SETBP1: variants seen among roughly 807,000 people sequenced by gnomAD.
SETBP1 encodes the protein SET binding protein 1.
A neutral mutation model predicts 101.0 loss-of-function variants in SETBP1; 9 were observed. The observed-to-expected ratio is 0.09, with a 90% CI of 0.05 to 0.16. The LOEUF is 0.16. Ranked by LOEUF, SETBP1 falls within the 10% of genes least tolerant of loss-of-function variation. The pLI is 1.00. For missense variants in SETBP1, 1,858 were observed against 2,033.8 expected (o/e 0.91, Z 1.66); for synonymous variants, 818 against 788.5 (o/e 1.04, Z -0.63).
intron 4 of SETBP1, among the ~76,000 whole-genome samples, chr18:44,978,036 A>G (rs72911484): frequency 0.02 from 2,981 of 152,222 alleles, 43 homozygotes; most frequent in Non-Finnish European, 0.028. Context: ...AAAACTTCCC[A>G]TATTCCGAAA....
chr18:44,820,845 A>G (rs765909871), intron 2 of SETBP1, among the ~76,000 whole-genome samples: 17 of 152,332 alleles, frequency 1.1e-4, no homozygotes, highest in South Asian at 4.1e-4. Context: ...GAGTTCAAGG[A>G]GCTCACAATT....
At position 44,968,206 on chromosome 18, in the gene SETBP1, T is replaced by C. The variant is rs548918692; in HGVS notation, c.4000+14866T>C. ...CATTGAGGGAAAATATGAATATATA[T>C]GTATAGTGTTCTTTGAGAAAATATT... is the stretch of plus-strand genomic sequence containing the variant. On this transcript the variant is annotated intron_variant, in intron 4 of 5. Coordinates refer to ENST00000649279, the MANE Select transcript of SETBP1 (RefSeq NM_015559.3). Among the ~76,000 whole-genome samples, 8 of 152,250 alleles carry C rather than the reference T, an allele frequency of 5.3e-5. No homozygotes were observed. In the South Asian group the frequency reaches 1.7e-3, roughly 32 times the overall value.
At chr18:44,761,821 T>C (rs1208147125) in intron 2 of SETBP1, among the ~76,000 whole-genome samples, 2 of 152,238 alleles carry the variant, frequency 1.3e-5, no homozygotes, top group African/African-American at 2.4e-5. Context: ...TCTTTCCTTT[T>C]TCCTGCTAAG....
intron 2 of SETBP1, among the ~76,000 whole-genome samples, chr18:44,843,344 A>C (rs1004964498): frequency 6.6e-6 from 1 of 152,166 alleles, no homozygotes; most frequent in Non-Finnish European, 1.5e-5. Flanking sequence ...TCTCACCCAC[A>C]TACTCATGCA....
intron 2 of SETBP1, among the ~76,000 whole-genome samples, chr18:44,767,757 C>T (rs1240095391): frequency 6.6e-6 from 1 of 152,156 alleles, no homozygotes; most frequent in Non-Finnish European, 1.5e-5. Context: ...AAATGTTTGA[C>T]ATCATCACTT....
chr18:44,995,529 T>TTGTG (rs60256060), intron 4 of SETBP1, among the ~76,000 whole-genome samples: 15,264 of 142,778 alleles, frequency 0.11, 827 homozygotes, highest in African/African-American at 0.14. Flanking sequence ...GTCCAGGCTT[T>TTGTG]TGTGTGTGTG....
intron 3 of SETBP1, among the ~76,000 whole-genome samples, chr18:44,941,077 C>CTTTTTT (rs71177660): frequency 6.1e-4 from 46 of 74,840 alleles, no homozygotes; most frequent in South Asian, 1.4e-3. Flanking sequence ...AGAAGTCAGA[C>CTTTTTT]TTTTTTTTTT....
chr18:44,763,875 C>T (rs2070710241), intron 2 of SETBP1, among the ~76,000 whole-genome samples: 1 of 152,176 alleles, frequency 6.6e-6, no homozygotes, highest in Admixed American at 6.5e-5. Context: ...TCCCTGACCT[C>T]TAAACATTGG....
At chr18:44,986,050 C>G (rs958241622) in intron 4 of SETBP1, 1 of 152,174 alleles carries the variant, frequency 6.6e-6, no homozygotes, top group Non-Finnish European at 1.5e-5. Context: ...GTTGCTTCTT[C>G]TGGTGTGCGT....
chr18:44,871,096 G>A (rs1455507895), intron 3 of SETBP1: 4 of 152,062 alleles, frequency 2.6e-5, no homozygotes, highest in East Asian at 1.9e-4. Context: ...TCATCACCCT[G>A]AGGCAAGAAA....
chr18:44,701,722 C>T lies in SETBP1; in HGVS notation c.376C>T (p.Pro126Ser), dbSNP rs751875817. The change falls in exon 2 of 6, where the codon CCA becomes TCA. Residue 126 changes from proline to serine, a missense_variant. Pro to Ser is a moderately conservative substitution (Grantham distance 74). Around this residue, in one of 12 missense-constraint regions of SETBP1, gnomAD observed 28 missense variants for 59.2 expected, o/e 0.47. Transcript: ENST00000649279. Reference protein sequence around the residue: ...PPKNLENYICPPEIKITIKQS... With the variant: ...PPKNLENYICSPEIKITIKQS... ...AAAGAATTTGGAGAACTATATATGT[C>T]CACCTGAGATCAAGATCACCATCAA... 7 of 1,614,012 alleles carry T rather than the reference C, an allele frequency of 4.3e-6. No homozygotes were observed. Among genetic ancestry groups the T allele is most frequent in the Non-Finnish European group, 5.9e-6 (7 of 1,180,038 alleles).
At chr18:44,869,197 T>C (rs771609095) in intron 2 of SETBP1, 33 bp from the exon 3 acceptor site, 1 of 1,606,448 alleles carries the variant, frequency 6.2e-7, no homozygotes, top group African/African-American at 1.3e-5. Flanking sequence ...AACTGAAAAG[T>C]GTCACTGAGA....
chr18:44,771,087 G>C (rs1243538169), intron 2 of SETBP1, among the ~76,000 whole-genome samples: 1 of 152,002 alleles, frequency 6.6e-6, no homozygotes, highest in East Asian at 1.9e-4. Context: ...TCAGCCTGCT[G>C]TTGGGGTTGC....
intron 4 of SETBP1, among the ~76,000 whole-genome samples, chr18:45,019,034 C>G (rs1322667192): frequency 6.6e-6 from 1 of 152,106 alleles, no homozygotes; most frequent in South Asian, 2.1e-4. Context: ...CTTGCCACCC[C>G]ACCATGTCTT....
chr18:44,978,995 C>T (rs533618869), intron 4 of SETBP1, among the ~76,000 whole-genome samples: 5 of 152,206 alleles, frequency 3.3e-5, no homozygotes, highest in African/African-American at 9.6e-5. Flanking sequence ...ACCCAGAATT[C>T]GAACTCAAAT....
chr18:45,005,576 A>G (rs75551055), intron 4 of SETBP1, among the ~76,000 whole-genome samples: 10,351 of 152,084 alleles, frequency 0.068, 451 homozygotes, highest in South Asian at 0.17. Context: ...AAATCGGGCA[A>G]TAAGCCTTCA....
At chr18:44,832,311 G>C (rs2072389674) in intron 2 of SETBP1, among the ~76,000 whole-genome samples, 1 of 152,196 alleles carries the variant, frequency 6.6e-6, no homozygotes, top group Non-Finnish European at 1.5e-5. Context: ...TTTGTAGCAT[G>C]CAGCATCCCA....
intron 4 of SETBP1, among the ~76,000 whole-genome samples, chr18:44,970,377 T>C (rs1452543570): frequency 6.6e-6 from 1 of 152,238 alleles, no homozygotes; most frequent in African/African-American, 2.4e-5. Flanking sequence ...TATGTACCTA[T>C]ATGTAGCAGA....
At chr18:44,712,331 C>G (rs2069365648) in intron 2 of SETBP1, among the ~76,000 whole-genome samples, 1 of 152,164 alleles carries the variant, frequency 6.6e-6, no homozygotes, top group South Asian at 2.1e-4. Flanking sequence ...CATGTCTTGC[C>G]AATAAGAAGC....
Sources: gnomAD v4.1 joint callset for allele counts (sites outside exome capture counted in the v4.1 genomes callset) on GRCh38, gnomAD v4.1.1 for gene constraint, gnomAD v4.1.1 regional missense constraint, MANE v1.5 for transcripts, NCBI Gene and HGNC (gene_info 2026-07-23, HGNC 2026-07-21) for gene names.